Variants in FLRT1 observed in about 807,000 individuals in gnomAD.
FLRT1 encodes leucine-rich repeat transmembrane protein FLRT1.
A neutral mutation model predicts 30.9 loss-of-function variants in FLRT1; 14 were observed. The ratio of observed to expected loss-of-function variants is 0.45; its 90% CI spans 0.30 to 0.71. The LOEUF is 0.71. Ranked by LOEUF, FLRT1 falls within the 30% of genes least tolerant of loss-of-function variation. FLRT1 has a pLI of 0.08. For synonymous variants in FLRT1, 368 were observed against 430.4 expected (o/e 0.85, Z 1.80); for missense variants, 737 against 949.2 (o/e 0.78, Z 2.94).
Position 64,064,048 on chromosome 11 carries a change from C to G in FLRT1, c.-1038+27889C>G, listed in dbSNP as rs1018161909. ...TCTTCACTGGATCTTTGTAGGTTAG[C>G]CAGCTTTGAACAGCGACACCCACAC... On this transcript the variant is annotated intron_variant, in intron 1 of 2. Coordinates refer to ENST00000682287, the MANE Select transcript of FLRT1 (RefSeq NM_013280.5). This position sits in a 1 kb window ranked among gnomAD's most constrained non-coding sequence, Gnocchi z 4.5. Among the ~76,000 whole-genome samples the G allele has an allele frequency of 6.6e-6, 1 of 152,160 alleles. No individual in the cohort carries two copies.
In FLRT1 at chr11:64,090,933, T is replaced by C. The variant is rs1170691612; in HGVS notation, c.-1037-12261T>C. On this transcript the variant is annotated intron_variant, in intron 1 of 2. Transcript: ENST00000682287. This position sits in a 1 kb window ranked among gnomAD's most constrained non-coding sequence, Gnocchi z 4.7. ...GGTGGTCACAGTTTGGTCTGCCCTG[T>C]AGGGGGCACTGGCAGAATCTGCAGC... 3.3e-5 allele frequency among the ~76,000 whole-genome samples: 5 copies of C among 151,148 alleles called. No homozygotes were observed. The South Asian group carries it at 1.1e-3, about 32-fold the overall frequency.
In FLRT1 at chr11:64,117,226, T is replaced by C; in HGVS notation, c.959T>C (p.Leu320Pro). ...GGCCTGTTCGACGACCTGGGGAACC[T>C]GGCCCAGCTGCTGCTCAGGAACAAC... is the stretch of plus-strand genomic sequence containing the variant. Reference protein sequence around the residue: ...PRGLFDDLGNLAQLLLRNNPW... With the variant: ...PRGLFDDLGNPAQLLLRNNPW... Residue 320 changes from leucine (L) to proline (P), a missense_variant, in exon 3 of 3, where the codon CTG (leucine) becomes CCG (proline). By Grantham distance (98) the Leu-to-Pro change is moderately conservative. Transcript: ENST00000682287. 1 of 1,614,200 alleles carries C rather than the reference T, an allele frequency of 6.2e-7. No individual in the cohort carries two copies. Among genetic ancestry groups the C allele is most frequent in the African/African-American group, 1.3e-5 (1 of 75,074 alleles).
At chr11:64,114,158 G>A (rs879889369) in intron 2 of FLRT1, among the ~76,000 whole-genome samples, 4 of 150,658 alleles carry the variant, frequency 2.7e-5, no homozygotes, top group African/African-American at 4.9e-5. Flanking sequence ...ATGAACAAGT[G>A]GATGGATGCA....
At chr11:64,054,670 ACCT>A (rs1265699013) in intron 1 of FLRT1, among the ~76,000 whole-genome samples, 1 of 151,406 alleles carries the variant, frequency 6.6e-6, no homozygotes, top group East Asian at 1.9e-4. Context: ...AGACAACCTC[ACCT>A]CCTGCTTTTT....
chr11:64,075,381 A>C (rs1944182540), intron 1 of FLRT1, among the ~76,000 whole-genome samples: 1 of 152,258 alleles, frequency 6.6e-6, no homozygotes, highest in Non-Finnish European at 1.5e-5. Flanking sequence ...CAAGCTTGAC[A>C]CTTTATACCC....
intron 1 of FLRT1, among the ~76,000 whole-genome samples, chr11:64,100,237 A>G (rs1473153967): frequency 6.6e-6 from 1 of 152,182 alleles, no homozygotes; most frequent in Admixed American, 6.5e-5. Context: ...GTATGGGCAG[A>G]TTCGGCCAAA....
chr11:64,046,124 G>A (rs927982461), intron 1 of FLRT1, among the ~76,000 whole-genome samples: 8 of 152,172 alleles, frequency 5.3e-5, no homozygotes, highest in Non-Finnish European at 1.0e-4. Flanking sequence ...GTTCTGAGCG[G>A]CAGGGGTAGG....
intron 1 of FLRT1, among the ~76,000 whole-genome samples, chr11:64,050,067 C>T (rs748502319): frequency 6.6e-6 from 1 of 152,176 alleles, no homozygotes; most frequent in Admixed American, 6.5e-5. Context: ...ATGGCCTACT[C>T]TTCCCTCGAG....
At chr11:64,041,083 T>C (rs893298742) in intron 1 of FLRT1, among the ~76,000 whole-genome samples, 17 of 151,710 alleles carry the variant, frequency 1.1e-4, no homozygotes, top group African/African-American at 4.1e-4. Context: ...TCCTGGCCAT[T>C]CCTGCCCGCG....
At chr11:64,114,316 C>CGGAT (rs1057069450) in intron 2 of FLRT1, among the ~76,000 whole-genome samples, 1 of 85,434 alleles carries the variant, frequency 1.2e-5, no homozygotes, top group African/African-American at 3.7e-5. Context: ...ACATGGATGA[C>CGGAT]GGATGGATGG....
intron 1 of FLRT1, among the ~76,000 whole-genome samples, chr11:64,089,649 C>G (rs1213395326): frequency 6.6e-6 from 1 of 152,226 alleles, no homozygotes; most frequent in Non-Finnish European, 1.5e-5. Context: ...TGGCCCCACT[C>G]CTGGGGTGGA....
Position 64,058,917 on chromosome 11 carries a change from G to T in FLRT1, c.-1038+22758G>T, listed in dbSNP as rs1943844249. 2.0e-5 allele frequency among the ~76,000 whole-genome samples: 3 copies of T among 152,276 alleles called. No homozygotes were observed. In the South Asian group the frequency reaches 6.2e-4, roughly 32 times the overall value. On this transcript the variant is annotated intron_variant, in intron 1 of 2. Coordinates refer to ENST00000682287, the MANE Select transcript of FLRT1 (RefSeq NM_013280.5). ...GCCACACCCAGGCACAGCTGGAGGT[G>T]GGGGTGAGTGACACATGGACCCAGG... is the stretch of plus-strand genomic sequence containing the variant.
chr11:64,097,188 A>G lies in FLRT1; in HGVS notation c.-1037-6006A>G, dbSNP rs543280743. Among the ~76,000 whole-genome samples the G allele has an allele frequency of 2.0e-5, 3 of 152,338 alleles. No individual in the cohort carries two copies. In the South Asian group the frequency reaches 6.2e-4, roughly 32 times the overall value. ...CCCTCTGCAGCATCCTGAGCCTGGC[A>G]GAACTGGGCCTCCAGACCCCCCAGA... On this transcript the variant is annotated intron_variant, in intron 1 of 2. Transcript: ENST00000682287.
intron 1 of FLRT1, among the ~76,000 whole-genome samples, chr11:64,070,014 G>T (rs1022478860): frequency 6.6e-6 from 1 of 152,182 alleles, no homozygotes; most frequent in African/African-American, 2.4e-5. Flanking sequence ...GACAGGCGGG[G>T]ATGGTGAGAG....
At chr11:64,099,249 C>T (rs1042414110) in intron 1 of FLRT1, among the ~76,000 whole-genome samples, 1 of 152,222 alleles carries the variant, frequency 6.6e-6, no homozygotes, top group Non-Finnish European at 1.5e-5. Flanking sequence ...CTGGGCAAGG[C>T]GGGGCTCTTG....
chr11:64,062,865 C>T (rs1033899783), intron 1 of FLRT1, among the ~76,000 whole-genome samples: 5 of 152,306 alleles, frequency 3.3e-5, no homozygotes, highest in East Asian at 1.9e-4. Context: ...ACCCCGGCCC[C>T]GCCTCCTAGG....
chr11:64,065,023 G>A (rs1257547694), intron 1 of FLRT1, among the ~76,000 whole-genome samples: 1 of 152,182 alleles, frequency 6.6e-6, no homozygotes, highest in Non-Finnish European at 1.5e-5. Context: ...GGCAATGCTG[G>A]TGCTAGGGAC....
At chr11:64,048,037 C>T (rs1467931953) in intron 1 of FLRT1, among the ~76,000 whole-genome samples, 4 of 152,182 alleles carry the variant, frequency 2.6e-5, no homozygotes, top group Non-Finnish European at 4.4e-5. Flanking sequence ...AGTGGGGATG[C>T]TGGCAGGCCC....
chr11:64,117,683 C>T lies in FLRT1; in HGVS notation c.1416C>T (p.Gly472=). Residue 472 remains glycine, a synonymous_variant, in exon 3 of 3, where the codon GGC becomes GGT. Coordinates refer to ENST00000682287, the MANE Select transcript of FLRT1 (RefSeq NM_013280.5). The part of the protein sequence containing the change: ...SSFRLSWLRL[G]HSPAVGSITE... ...TCCGGCTCAGTTGGCTGCGCCTGGGCCACAGCCCAGCCGTGGGCTCCATCA... is the reference window on the plus strand; with the variant it reads ...TCCGGCTCAGTTGGCTGCGCCTGGGTCACAGCCCAGCCGTGGGCTCCATCA... The T allele has an allele frequency of 1.2e-6, 2 of 1,613,598 alleles. No individual in the cohort carries two copies. Among genetic ancestry groups the T allele is most frequent in the Non-Finnish European group, 1.7e-6 (2 of 1,179,948 alleles).
Sources: gnomAD v4.1 joint callset for allele counts (sites outside exome capture counted in the v4.1 genomes callset) on GRCh38, gnomAD v4.1.1 for gene constraint, Gnocchi (gnomAD v3.1) non-coding constraint, MANE v1.5 for transcripts, NCBI Gene and HGNC (gene_info 2026-07-23, HGNC 2026-07-21) for gene names.